Variants in TENM1 observed in about 807,000 individuals in gnomAD.
The protein encoded by TENM1 is teneurin-1.
In TENM1, 35 loss-of-function variants were observed where a neutral mutation model predicts 174.8. The observed-to-expected ratio is 0.20, with a 90% CI of 0.15 to 0.27. The LOEUF (loss-of-function observed/expected upper bound fraction) is 0.27, where lower values mean the gene tolerates loss of function less well. Ranked by LOEUF, TENM1 falls within the 10% of genes least tolerant of loss-of-function variation. TENM1 has a pLI of 1.00. For missense variants in TENM1, 1,633 were observed against 2,130.1 expected (o/e 0.77, Z 4.59); for synonymous variants, 781 against 798.7 (o/e 0.98, Z 0.37).
intron 3 of TENM1, among the ~76,000 whole-genome samples, chrX:124,888,675 A>G (rs113862874): frequency 3.6e-5 from 4 of 112,242 alleles, no homozygotes; most frequent in African/African-American, 1.3e-4. Context: ...CTAATACGTG[A>G]TAACAGGTAC....
intron 3 of TENM1, among the ~76,000 whole-genome samples, chrX:124,754,471 T>C (rs1341302475): frequency 9.0e-6 from 1 of 111,660 alleles, no homozygotes; most frequent in Non-Finnish European, 1.9e-5. Context: ...GAAGGGTTTT[T>C]TGTGTCTCTA....
At chrX:124,842,714 T>C (rs1478396826) in intron 3 of TENM1, among the ~76,000 whole-genome samples, 2 of 110,336 alleles carry the variant, frequency 1.8e-5, no homozygotes, top group African/African-American at 6.6e-5. Flanking sequence ...ATGAGGGCCA[T>C]ACCATCATGA....
At position 124,875,072 on chromosome X, in the gene TENM1, T is replaced by C. The variant is rs775550689; in HGVS notation, c.535+19224A>G. Among the ~76,000 whole-genome samples the C allele has an allele frequency of 4.5e-5, 5 of 111,841 alleles. No individual in the cohort carries two copies. The South Asian group carries it at 1.5e-3, about 34-fold the overall frequency. On this transcript the variant is annotated intron_variant, in intron 3 of 31. Coordinates refer to ENST00000422452, the Ensembl canonical transcript of TENM1. Reference sequence around the variant, plus strand: ...TATGTTAGGCTTTTTATAAGACCAATTGATATTTTGTTATTGAAGGCATGT... The same window carrying C: ...TATGTTAGGCTTTTTATAAGACCAACTGATATTTTGTTATTGAAGGCATGT...
chrX:124,626,614 A>C (rs901404177), intron 11 of TENM1, among the ~76,000 whole-genome samples: 2 of 111,830 alleles, frequency 1.8e-5, no homozygotes, highest in Admixed American at 9.5e-5. Flanking sequence ...GTTTGCTTAG[A>C]TATATGGTCC....
the TENM1 span, among the ~76,000 whole-genome samples, chrX:125,130,877 T>G: frequency 9.0e-6 from 1 of 111,143 alleles, no homozygotes; most frequent in African/African-American, 3.3e-5. Context: ...CCAGAGGGGA[T>G]AGGGGAGACA....
At chrX:124,736,929 T>G in intron 4 of TENM1, 28 bp downstream of exon 7, 1 of 1,185,117 alleles carries the variant, frequency 8.4e-7, no homozygotes, top group Non-Finnish European at 1.1e-6. Flanking sequence ...ATACTTAAGT[T>G]TAGTGGGATC....
At chrX:125,193,510 C>T in the TENM1 span, among the ~76,000 whole-genome samples, 1 of 111,577 alleles carries the variant, frequency 9.0e-6, no homozygotes, top group African/African-American at 3.3e-5. Flanking sequence ...CATGTACACC[C>T]TTGCGTCCGG....
At chrX:124,558,528 CTAATAT>C (rs1429451900) in intron 14 of TENM1, among the ~76,000 whole-genome samples, 1 of 110,840 alleles carries the variant, frequency 9.0e-6, no homozygotes, top group Non-Finnish European at 1.9e-5. Flanking sequence ...AACAAGTAGA[CTAATAT>C]TAATATTAAG....
chrX:124,376,438 T>C lies in TENM1; in HGVS notation c.*4098A>G, dbSNP rs1047818968. The C allele has an allele frequency of 1.8e-4, 20 of 112,384 alleles. No individual in the cohort carries two copies. In the East Asian group the frequency reaches 2.2e-3, roughly 12 times the overall value. 9.3% of individuals were successfully genotyped at this position (112,384 alleles called of 1,213,427 possible). ...TATTTTTCAAGGACACAATCTGATATACTAACATTTATTTAAGAGGTTAAA... is the reference window on the plus strand; with the variant it reads ...TATTTTTCAAGGACACAATCTGATACACTAACATTTATTTAAGAGGTTAAA... On this transcript the variant is annotated 3_prime_UTR_variant, in exon 32 of 32. Transcript: ENST00000422452.
chrX:124,470,223 G>A (rs2061284400), intron 22 of TENM1, among the ~76,000 whole-genome samples: 1 of 111,955 alleles, frequency 8.9e-6, no homozygotes, highest in Non-Finnish European at 1.9e-5. Context: ...ATATCAAGAG[G>A]CAACTGGCTT....
At chrX:124,617,640 TC>T (rs770348409) in intron 11 of TENM1, among the ~76,000 whole-genome samples, 2 of 112,221 alleles carry the variant, frequency 1.8e-5, no homozygotes, top group African/African-American at 6.5e-5. Context: ...TTGGACTAGT[TC>T]CAGAAACCTA....
chrX:124,385,744 A>C (rs2060210501), exon 29 of TENM1: 1 of 1,210,763 alleles, frequency 8.3e-7, no homozygotes, highest in South Asian at 1.8e-5. Flanking sequence ...TAATCACTCC[A>C]GAAGACTCTT....
chrX:124,435,868 G>A (rs1225665325), intron 23 of TENM1, among the ~76,000 whole-genome samples: 2 of 111,638 alleles, frequency 1.8e-5, no homozygotes, highest in Non-Finnish European at 3.8e-5. Context: ...CATGTGTACA[G>A]AATCATTTAA....
intron 23 of TENM1, among the ~76,000 whole-genome samples, chrX:124,424,519 T>A (rs2060688843): frequency 8.9e-6 from 1 of 112,087 alleles, no homozygotes; most frequent in East Asian, 2.8e-4. Flanking sequence ...TTCTACTTTC[T>A]GCTTTTATGA....
chrX:124,831,088 G>A (rs2056279193), intron 3 of TENM1, among the ~76,000 whole-genome samples: 1 of 111,524 alleles, frequency 9.0e-6, no homozygotes, highest in South Asian at 3.8e-4. Context: ...TATCCCGAAA[G>A]CAACACTCTC....
exon 23 of TENM1, chrX:124,453,433 T>C (rs2061066916): frequency 1.7e-6 from 2 of 1,210,500 alleles, no homozygotes; most frequent in South Asian, 3.5e-5. Flanking sequence ...TCTCATCAAT[T>C]TTGCGAATCA....
chrX:124,642,673 T>C (rs1298595279), intron 10 of TENM1, among the ~76,000 whole-genome samples: 1 of 111,927 alleles, frequency 8.9e-6, no homozygotes, highest in Non-Finnish European at 1.9e-5. Flanking sequence ...TTGTCTCTGA[T>C]TCTGTGAGTC....
the TENM1 span, among the ~76,000 whole-genome samples, chrX:125,200,112 T>C: frequency 8.9e-6 from 1 of 111,818 alleles, no homozygotes; most frequent in Non-Finnish European, 1.9e-5. Context: ...CTAAGCATGG[T>C]TCTAGCTGGT....
chrX:124,469,325 C>A (rs908965577), intron 22 of TENM1, among the ~76,000 whole-genome samples: 11 of 111,962 alleles, frequency 9.8e-5, no homozygotes, highest in Admixed American at 3.8e-4. Context: ...TCATTCAGTA[C>A]TTATTCTGTG....
Sources: gnomAD v4.1 joint callset for allele counts (sites outside exome capture counted in the v4.1 genomes callset) on GRCh38, gnomAD v4.1.1 for gene constraint, MANE v1.5 for transcripts, NCBI Gene and HGNC (gene_info 2026-07-23, HGNC 2026-07-21) for gene names.